LRP11: variants seen among roughly 807,000 people sequenced by gnomAD.
The protein encoded by LRP11 is low-density lipoprotein receptor-related protein 11.
A neutral mutation model predicts 43.1 loss-of-function variants in LRP11; 25 were observed. The observed-to-expected ratio is 0.58, with a 90% CI of 0.42 to 0.81. The LOEUF is 0.81. Among genes scored for constraint, LRP11 ranks in the 30% least tolerant of loss-of-function variants. LRP11 has a pLI of 0.00. For missense variants in LRP11, 623 were observed against 665.1 expected (o/e 0.94, Z 0.70); for synonymous variants, 316 against 299.4 (o/e 1.06, Z -0.57).
intron 1 of LRP11, among the ~76,000 whole-genome samples, chr6:149,857,103 T>A (rs1776811282): frequency 6.6e-6 from 1 of 152,186 alleles, no homozygotes; most frequent in Non-Finnish European, 1.5e-5. Context: ...TTGCAAAAAT[T>A]ATAGCTGAGA....
chr6:149,844,815 TTACA>T (rs1344109465), intron 2 of LRP11, among the ~76,000 whole-genome samples: 1 of 152,220 alleles, frequency 6.6e-6, no homozygotes, highest in Non-Finnish European at 1.5e-5. Flanking sequence ...TTTGTCAACA[TTACA>T]TATACACACC....
chr6:149,837,475 C>G lies in LRP11; in HGVS notation c.914-12G>C. The stretch of plus-strand genomic sequence containing the variant: ...AGTGTGCAAACATCCTATTTGTAAA[C>G]AAATCTCAAGTCACACGAGTGCAGA... On this transcript the variant is annotated splice_polypyrimidine_tract_variant and intron_variant, in intron 3 of 6. Transcript: ENST00000239367. 6.2e-7 allele frequency: 1 copy of G among 1,612,608 alleles called. No individual in the cohort carries two copies. The highest frequency in any genetic ancestry group is 8.5e-7 in the Non-Finnish European group (1 of 1,179,312).
At chr6:149,842,569 A>G in intron 3 of LRP11, 1 of 1,403,860 alleles carries the variant, frequency 7.1e-7, no homozygotes, top group Non-Finnish European at 9.9e-7. Context: ...CGTCCCCCGC[A>G]CAGCCTCCAG....
At position 149,826,264 on chromosome 6, in the gene LRP11, C is replaced by T; in HGVS notation, c.1348G>A (p.Gly450Ser). ...AAGGGTTTCCAAGGTGGACATTTAC[C>T]TGTTTCTGGGGCTGGGTGTTCCCCT... ...GGGEHPAPET[G>S]AVLPLALGLA... Residue 450 changes from glycine (G) to serine (S), a missense_variant and splice_region_variant, in exon 6 of 7, where the codon GGT (glycine) becomes AGT (serine). Physicochemically the swap from Gly to Ser is moderately conservative, Grantham distance 56 (BLOSUM62 0). Coordinates refer to ENST00000239367, the MANE Select transcript of LRP11 (RefSeq NM_032832.6). 6.2e-7 allele frequency: 1 copy of T among 1,610,564 alleles called. No individual in the cohort carries two copies. Among genetic ancestry groups the T allele is most frequent in the Non-Finnish European group, 8.5e-7 (1 of 1,176,742 alleles).
At position 149,863,524 on chromosome 6, in the gene LRP11, G is replaced by T; in HGVS notation, c.497C>A (p.Thr166Lys). ...CTTGCAGACGTTGCGGCCGCGCGCC[G>T]TGCAGTTGAAGAGGTAGCAGCCGAG... ...AVLGCYLFNC[T>K]ARGRNVCKFA... The change falls in exon 1 of 7, where the codon ACG becomes AAG. Residue 166 changes from threonine to lysine, a missense_variant. Coordinates refer to ENST00000239367, the MANE Select transcript of LRP11 (RefSeq NM_032832.6). 1 of 1,351,506 alleles carries T rather than the reference G, an allele frequency of 7.4e-7. No individual in the cohort carries two copies. Among genetic ancestry groups the T allele is most frequent in the Non-Finnish European group, 9.4e-7 (1 of 1,061,852 alleles). The allele number at this position is 1,351,506 out of a possible 1,614,324, so 83.7% of individuals were successfully genotyped here. A position where few individuals can be genotyped will look rare whatever the true frequency, so the allele number is the denominator to read the frequency against.
chr6:149,823,727 T>C (rs1031432247), intron 6 of LRP11, among the ~76,000 whole-genome samples: 2 of 152,194 alleles, frequency 1.3e-5, no homozygotes, highest in African/African-American at 2.4e-5. Context: ...AAGTGTCTGG[T>C]TGCCGGAGGA....
intron 5 of LRP11, among the ~76,000 whole-genome samples, chr6:149,832,770 G>A (rs556840644): frequency 2.0e-5 from 3 of 151,660 alleles, no homozygotes; most frequent in African/African-American, 7.3e-5. Context: ...ACAGGTGCCC[G>A]CCACCATGCC....
intron 3 of LRP11, chr6:149,842,674 C>G (rs1776566396): frequency 6.4e-7 from 1 of 1,551,008 alleles, no homozygotes; most frequent in Non-Finnish European, 8.7e-7. Flanking sequence ...ATGGACCATC[C>G]ATCTGTAAAC....
chr6:149,863,568 G>T lies in LRP11; in HGVS notation c.453C>A (p.Pro151=). The T allele has an allele frequency of 7.2e-7, 1 of 1,381,584 alleles. No homozygotes were observed. Among genetic ancestry groups the T allele is most frequent in the Non-Finnish European group, 9.3e-7 (1 of 1,074,568 alleles). The allele number at this position is 1,381,584 out of a possible 1,614,324, so 85.6% of individuals were successfully genotyped here. The change falls in exon 1 of 7, where the codon CCC becomes CCA. Residue 151 remains proline (P), a synonymous_variant. Coordinates refer to ENST00000239367, the MANE Select transcript of LRP11 (RefSeq NM_032832.6). ...AGCCGAGCACGGCTGCCGGGGGCGC[G>T]GGGCGCCGGGGCAGCTCCACCACGG... The part of the protein sequence containing the change: ...SVAVVELPRR[P]APPAAVLGCY...
At chr6:149,849,657 G>A (rs1776690274) in intron 2 of LRP11, among the ~76,000 whole-genome samples, 1 of 152,114 alleles carries the variant, frequency 6.6e-6, no homozygotes, top group Non-Finnish European at 1.5e-5. Flanking sequence ...TGAGGTGGGA[G>A]GACTGCTTGA....
At chr6:149,842,021 TTTAAAG>T (rs1441028389) in intron 3 of LRP11, among the ~76,000 whole-genome samples, 18 of 152,376 alleles carry the variant, frequency 1.2e-4, no homozygotes, top group Admixed American at 5.2e-4. Flanking sequence ...ATCATATGTA[TTTAAAG>T]TTATATTATT....
chr6:149,859,476 A>C (rs919497826), intron 1 of LRP11, among the ~76,000 whole-genome samples: 2 of 144,220 alleles, frequency 1.4e-5, no homozygotes, highest in African/African-American at 5.3e-5. Context: ...GCTTACTGTA[A>C]CCTCCGACTC....
At chr6:149,846,291 T>C (rs1458707643) in intron 2 of LRP11, among the ~76,000 whole-genome samples, 1 of 152,156 alleles carries the variant, frequency 6.6e-6, no homozygotes, top group African/African-American at 2.4e-5. Flanking sequence ...AGCAGTGCAA[T>C]AGCTTATGCC....
At chr6:149,825,485 C>G (rs1889473) in intron 6 of LRP11, among the ~76,000 whole-genome samples, 75,413 of 151,848 alleles carry the variant, frequency 0.5, 20,650 homozygotes, top group East Asian at 0.83. Context: ...TTTGGCTCAT[C>G]ATATGAGCCA....
intron 5 of LRP11, among the ~76,000 whole-genome samples, chr6:149,831,010 C>T (rs1172202715): frequency 1.3e-5 from 2 of 152,242 alleles, no homozygotes; most frequent in African/African-American, 4.8e-5. Flanking sequence ...TTCACTTTCA[C>T]ACATCCAATC....
At chr6:149,831,546 G>A (rs749966978) in intron 5 of LRP11, among the ~76,000 whole-genome samples, 5 of 152,212 alleles carry the variant, frequency 3.3e-5, no homozygotes, top group Non-Finnish European at 5.9e-5. Context: ...CCTCCTGCCC[G>A]GTGGCTCAGA....
intron 5 of LRP11, among the ~76,000 whole-genome samples, chr6:149,828,196 A>T (rs1288776460): frequency 1.3e-5 from 2 of 152,166 alleles, no homozygotes; most frequent in East Asian, 3.9e-4. Flanking sequence ...CAAAAGAAAA[A>T]AAAAAAAGAT....
chr6:149,849,322 T>C (rs965450789), intron 2 of LRP11, among the ~76,000 whole-genome samples: 13 of 152,206 alleles, frequency 8.5e-5, no homozygotes, highest in African/African-American at 3.1e-4. Flanking sequence ...CTGAAAAATA[T>C]GTGTCATCTT....
At chr6:149,843,819 T>C (rs1776588222) in intron 2 of LRP11, among the ~76,000 whole-genome samples, 1 of 152,246 alleles carries the variant, frequency 6.6e-6, no homozygotes, top group Admixed American at 6.5e-5. Context: ...TTGCTGTTTC[T>C]GTTTGCTCAC....
Sources: allele counts gnomAD v4.1 joint callset (sites outside exome capture counted in the v4.1 genomes callset), GRCh38; gene constraint gnomAD v4.1.1; transcripts MANE v1.5; gene names NCBI Gene and HGNC (gene_info 2026-07-23, HGNC 2026-07-21).